Variants in FER observed in about 807,000 individuals in gnomAD.
The protein encoded by FER is tyrosine-protein kinase Fer.
In FER, 63 loss-of-function variants were observed where a neutral mutation model predicts 111.0. That is an observed-to-expected ratio of 0.57 (90% CI 0.46 to 0.70). The LOEUF is 0.70. Ranked by LOEUF, FER falls within the 30% of genes least tolerant of loss-of-function variation. The pLI is 0.00. For missense variants in FER, 914 were observed against 954.0 expected, an observed-to-expected ratio of 0.96 and a Z score of 0.55; for synonymous variants, 327 against 313.9, an observed-to-expected ratio of 1.04 and a Z score of -0.44.
chr5:109,076,094 C>T (rs1441637179), intron 16 of FER, among the ~76,000 whole-genome samples: 1 of 152,004 alleles, frequency 6.6e-6, no homozygotes, highest in Non-Finnish European at 1.5e-5. Context: ...CACCCACCTA[C>T]ATTTTTATAT....
At position 108,783,016 on chromosome 5, in the gene FER, T is replaced by G. The variant is rs541138352; in HGVS notation, c.-60+14778T>G. 2.5e-3 allele frequency among the ~76,000 whole-genome samples: 375 copies of G among 152,360 alleles called. 3 individuals carry two copies. The highest frequency in any genetic ancestry group is 8.7e-3 in the African/African-American group (362 of 41,598). ...AGTACACTGTCTTGATTTCTGTAGC[T>G]CTACAGCAGGCTGGACCATATTTCT... On this transcript the variant is annotated intron_variant, in intron 2 of 19. Coordinates refer to ENST00000281092, the MANE Select transcript of FER (RefSeq NM_005246.4).
intron 11 of FER, among the ~76,000 whole-genome samples, chr5:108,951,846 G>A (rs77447677): frequency 0.046 from 7,067 of 152,080 alleles, 263 homozygotes; most frequent in South Asian, 0.11. Flanking sequence ...TCAAATGCTT[G>A]AGTAAAGGTA....
At chr5:109,009,902 A>C (rs528144687) in intron 13 of FER, among the ~76,000 whole-genome samples, 1 of 152,212 alleles carries the variant, frequency 6.6e-6, no homozygotes, top group Admixed American at 6.5e-5. Context: ...GTTTTAAGAC[A>C]GTGAAGATGG....
At chr5:108,945,620 A>T (rs1756880899) in intron 10 of FER, among the ~76,000 whole-genome samples, 1 of 152,008 alleles carries the variant, frequency 6.6e-6, no homozygotes, top group African/African-American at 2.4e-5. Flanking sequence ...GGTCATCATC[A>T]TCATGTGAAT....
At chr5:108,922,308 G>C (rs897575282) in intron 10 of FER, among the ~76,000 whole-genome samples, 4 of 152,270 alleles carry the variant, frequency 2.6e-5, no homozygotes, top group African/African-American at 9.6e-5. Flanking sequence ...TACAACATCT[G>C]TTGTGATTAT....
chr5:109,176,412 T>C (rs559102105), intron 17 of FER, among the ~76,000 whole-genome samples: 48 of 152,080 alleles, frequency 3.2e-4, no homozygotes, highest in African/African-American at 1.1e-3. Flanking sequence ...TTCTCACTCA[T>C]ATGGGAGCTA....
At chr5:108,979,858 G>A (rs1014455725) in intron 13 of FER, among the ~76,000 whole-genome samples, 1 of 152,058 alleles carries the variant, frequency 6.6e-6, no homozygotes, top group Non-Finnish European at 1.5e-5. Context: ...GTAGTGTTCA[G>A]TGTTTAGATA....
intron 17 of FER, among the ~76,000 whole-genome samples, chr5:109,123,730 A>G (rs1359997679): frequency 6.6e-6 from 1 of 152,118 alleles, no homozygotes; most frequent in Admixed American, 6.5e-5. Context: ...CTATCTTCTT[A>G]TATTATCGAT....
intron 17 of FER, among the ~76,000 whole-genome samples, chr5:109,146,568 G>A (rs1197720695): frequency 2.0e-5 from 3 of 151,396 alleles, no homozygotes; most frequent in Non-Finnish European, 4.4e-5. Flanking sequence ...ACATTTCCTT[G>A]TATGGCAAAA....
At chr5:108,893,474 T>C (rs1265041530) in intron 9 of FER, among the ~76,000 whole-genome samples, 7 of 152,156 alleles carry the variant, frequency 4.6e-5, no homozygotes, top group Admixed American at 1.3e-4. Flanking sequence ...GTTAACTCTT[T>C]TCTGCAGAGT....
At chr5:108,772,983 G>T (rs559031249) in intron 2 of FER, among the ~76,000 whole-genome samples, 5 of 152,302 alleles carry the variant, frequency 3.3e-5, no homozygotes, top group African/African-American at 1.2e-4. Flanking sequence ...AATCAGAAAA[G>T]ATTTAATTAA....
intron 9 of FER, among the ~76,000 whole-genome samples, chr5:108,888,854 G>A (rs1747579033): frequency 6.6e-6 from 1 of 151,778 alleles, no homozygotes; most frequent in South Asian, 2.1e-4. Context: ...CAGACATGTT[G>A]ATTTTAAAAT....
chr5:108,871,031 T>C (rs953243122), intron 6 of FER, among the ~76,000 whole-genome samples: 1 of 152,122 alleles, frequency 6.6e-6, no homozygotes, highest in Admixed American at 6.6e-5. Flanking sequence ...AGTTCCATGT[T>C]ATTCAACCCA....
At chr5:109,060,762 G>T (rs1774294352) in intron 16 of FER, among the ~76,000 whole-genome samples, 1 of 120,680 alleles carries the variant, frequency 8.3e-6, no homozygotes, top group African/African-American at 3.0e-5. Context: ...TATGTGTGGT[G>T]TGTGTGTGTG....
intron 2 of FER, chr5:108,782,518 T>G (rs888036561): frequency 6.6e-6 from 1 of 152,238 alleles, no homozygotes; most frequent in African/African-American, 2.4e-5. Flanking sequence ...GGTTTTGGTA[T>G]CAAATCTAAG....
intron 6 of FER, among the ~76,000 whole-genome samples, chr5:108,868,775 G>C (rs1033729847): frequency 3.3e-5 from 5 of 152,030 alleles, no homozygotes; most frequent in Non-Finnish European, 7.4e-5. Context: ...AAAGGAACTT[G>C]GACCAGTTTA....
rs760587574 is a variant in FER at position 109,041,252 on chromosome 5, G to A, written c.1714-3428G>A. ...AGTTTTGGATTTAATCAGACTTGTA[G>A]ATTTGCTAAGGGAGTTTTACAGATT... On this transcript the variant is annotated intron_variant, in intron 14 of 19. Coordinates refer to ENST00000281092, the MANE Select transcript of FER (RefSeq NM_005246.4). 5.6e-4 allele frequency among the ~76,000 whole-genome samples: 86 copies of A among 152,244 alleles called. 1 individual carries two copies. Among genetic ancestry groups the A allele is most frequent in the Admixed American group, 1.3e-3 (20 of 15,262 alleles).
intron 16 of FER, among the ~76,000 whole-genome samples, chr5:109,082,610 AGAGTTTT>A (rs1175602484): frequency 1.3e-5 from 2 of 150,656 alleles, no homozygotes; most frequent in African/African-American, 4.9e-5. Flanking sequence ...ACTCCTACTG[AGAGTTTT>A]ACCTCTTAGA....
At chr5:109,061,065 A>G (rs553100063) in intron 16 of FER, among the ~76,000 whole-genome samples, 1 of 152,142 alleles carries the variant, frequency 6.6e-6, no homozygotes, top group Admixed American at 6.5e-5. Flanking sequence ...GTTTGTCTTC[A>G]GTTCTTCCCT....
Sources: gnomAD v4.1 joint callset for allele counts (sites outside exome capture counted in the v4.1 genomes callset) on GRCh38, gnomAD v4.1.1 for gene constraint, MANE v1.5 for transcripts, NCBI Gene and HGNC (gene_info 2026-07-23, HGNC 2026-07-21) for gene names.